Variants in TRPM8 observed in about 807,000 individuals in gnomAD.
TRPM8 encodes the protein TRPM8 cationic channel.
A neutral mutation model predicts 133.7 loss-of-function variants in TRPM8; 110 were observed. That is an observed-to-expected ratio of 0.82 (90% CI 0.70 to 0.96). TRPM8 has a LOEUF of 0.96. Among genes scored for constraint, TRPM8 ranks in the 40% least tolerant of loss-of-function variants. TRPM8 has a pLI of 0.00. For missense variants in TRPM8, 1,291 were observed against 1,379.5 expected, an observed-to-expected ratio of 0.94 and a Z score of 1.02; for synonymous variants, 535 against 532.3, an observed-to-expected ratio of 1.01 and a Z score of -0.07.
rs1211810053 is a variant in TRPM8, at chr2:234,018,712, G to C, written c.*1456G>C. The C allele has an allele frequency of 6.6e-6, 1 of 151,912 alleles. No homozygotes were observed. Among genetic ancestry groups the C allele is most frequent in the African/African-American group, 2.4e-5 (1 of 41,368 alleles). 9.4% of individuals were successfully genotyped at this position (151,912 alleles called of 1,614,324 possible). A position where few individuals can be genotyped will look rare whatever the true frequency, so the allele number is the denominator to read the frequency against. ...ATAAAAAAATTAGCTGGGTGTGGTG[G>C]TGCACTCCTGTAATCCCAGCTACTC... On this transcript the variant is annotated 3_prime_UTR_variant, in exon 26 of 26. Transcript: ENST00000324695.
chr2:233,997,751 A>G (rs1373703931), intron 22 of TRPM8, among the ~76,000 whole-genome samples: 3 of 151,746 alleles, frequency 2.0e-5, no homozygotes, highest in Admixed American at 1.3e-4. Context: ...CATCAACCCA[A>G]CGCATCCACA....
intron 25 of TRPM8, 65 bp downstream of exon 25, chr2:234,014,719 A>T: frequency 1.7e-6 from 1 of 580,354 alleles, no homozygotes; most frequent in East Asian, 3.6e-5. Flanking sequence ...CTAATTTAAG[A>T]TCATGATTTT....
At chr2:233,966,149 CT>C (rs201025902) in intron 14 of TRPM8, 6 of 155,256 alleles carry the variant, frequency 3.9e-5, no homozygotes, top group East Asian at 1.9e-4. Context: ...TGCGCCCAAC[CT>C]TTTTTTTCCT....
chr2:233,998,531 A>C (rs965780126), intron 22 of TRPM8, among the ~76,000 whole-genome samples: 4 of 151,720 alleles, frequency 2.6e-5, no homozygotes, highest in Middle Eastern at 3.4e-3. Flanking sequence ...CCAACCAGTT[A>C]GGGTGAGCAG....
intron 22 of TRPM8, among the ~76,000 whole-genome samples, chr2:234,005,733 A>C (rs921773616): frequency 1.3e-5 from 2 of 152,094 alleles, no homozygotes; most frequent in African/African-American, 4.8e-5. Context: ...CAACGTGATG[A>C]AACCCCATCT....
rs751810525 is a variant in TRPM8, at chr2:233,960,978, C to T, written c.1565C>T (p.Thr522Met). Residue 522 changes from threonine (T) to methionine (M), a missense_variant, in exon 12 of 26, where the codon ACG becomes ATG. Thr to Met is a moderately conservative substitution (Grantham distance 81, BLOSUM62 -1). Around this residue, in one of 2 missense-constraint regions of TRPM8, gnomAD observed 963 missense variants for 968.9 expected, o/e 0.99. Transcript: ENST00000324695. Reference protein sequence around the residue: ...AKNSYNDALLTFVWKLVANFR... With the variant: ...AKNSYNDALLMFVWKLVANFR... ...AATTCCTATAATGATGCCCTCCTCA[C>T]GTTTGTCTGGAAACTGGTTGCGAAC... The T allele has an allele frequency of 7.4e-6, 12 of 1,614,058 alleles. No individual in the cohort carries two copies. The highest frequency in any genetic ancestry group is 2.2e-5 in the East Asian group (1 of 44,888).
At chr2:233,981,637 G>A (rs2125282365) in intron 18 of TRPM8, 137 bp from the exon 19 acceptor site, 2 of 742,988 alleles carry the variant, frequency 2.7e-6, no homozygotes, top group South Asian at 4.1e-5. Flanking sequence ...CCTCTGCTGG[G>A]TGGTGTTTCT....
intron 25 of TRPM8, 21 bp downstream of exon 25, chr2:234,014,675 T>C: frequency 1.1e-6 from 1 of 890,492 alleles, no homozygotes; most frequent in South Asian, 1.7e-5. Context: ...CTAATAGCTT[T>C]TTACTTTGCT....
At chr2:233,995,145 A>T (rs1366088771) in intron 21 of TRPM8, among the ~76,000 whole-genome samples, 1 of 152,192 alleles carries the variant, frequency 6.6e-6, no homozygotes, top group East Asian at 1.9e-4. Flanking sequence ...AACACTTCCT[A>T]ACTGGAGGAC....
At chr2:233,967,182 G>A (rs1403981629) in intron 15 of TRPM8, among the ~76,000 whole-genome samples, 1 of 152,204 alleles carries the variant, frequency 6.6e-6, no homozygotes, top group African/African-American at 2.4e-5. Flanking sequence ...ATATGTGAAA[G>A]GTGTTGGTCC....
At chr2:234,009,953 T>G (rs1692794834) in intron 24 of TRPM8, among the ~76,000 whole-genome samples, 1 of 152,226 alleles carries the variant, frequency 6.6e-6, no homozygotes, top group Admixed American at 6.5e-5. Flanking sequence ...TTCTACATAT[T>G]TACCATCTGT....
chr2:233,990,824 C>A (rs928677351), intron 21 of TRPM8, among the ~76,000 whole-genome samples: 1 of 152,118 alleles, frequency 6.6e-6, no homozygotes, highest in Admixed American at 6.5e-5. Context: ...TCAGGTGCAG[C>A]CTTATTGCCA....
rs753671069 is a variant in TRPM8 at position 233,983,039 on chromosome 2, T to C, written c.2590-14T>C. On this transcript the variant is annotated splice_polypyrimidine_tract_variant and intron_variant, in intron 19 of 25. Coordinates refer to ENST00000324695, the MANE Select transcript of TRPM8 (RefSeq NM_024080.5). ...GCACGGTCCTGACTCCGCTCTCCTG[T>C]CCTCCCCTGACAGCTGATCGATGTG... 2 of 1,608,154 alleles carry C rather than the reference T, an allele frequency of 1.2e-6. No homozygotes were observed. Among genetic ancestry groups the C allele is most frequent in the Admixed American group, 3.3e-5 (2 of 59,910 alleles).
chr2:233,984,360 G>A (rs906822069), intron 20 of TRPM8, among the ~76,000 whole-genome samples: 3 of 152,066 alleles, frequency 2.0e-5, no homozygotes, highest in South Asian at 4.2e-4. Flanking sequence ...TTTCTCAGAC[G>A]CACCTTGGCA....
intron 3 of TRPM8, among the ~76,000 whole-genome samples, chr2:233,935,162 C>T (rs1445826195): frequency 6.6e-6 from 1 of 152,216 alleles, no homozygotes; most frequent in Non-Finnish European, 1.5e-5. Flanking sequence ...AGGACATTTG[C>T]TAAATGCCCT....
At chr2:233,998,777 G>C (rs1692474826) in intron 22 of TRPM8, among the ~76,000 whole-genome samples, 1 of 152,132 alleles carries the variant, frequency 6.6e-6, no homozygotes, top group South Asian at 2.1e-4. Flanking sequence ...TGCCCATCCT[G>C]TTAAGGTGAG....
intron 17 of TRPM8, among the ~76,000 whole-genome samples, chr2:233,976,277 G>C (rs1007919944): frequency 3.3e-5 from 5 of 152,164 alleles, no homozygotes; most frequent in Admixed American, 6.5e-5. Flanking sequence ...ACTTGCAACA[G>C]TAAAATCCGA....
intron 13 of TRPM8, 42 bp downstream of exon 13, chr2:233,963,419 CT>C (rs2125187549): frequency 7.9e-7 from 1 of 1,266,620 alleles, no homozygotes; most frequent in East Asian, 2.3e-5. Flanking sequence ...CAAATATATG[CT>C]TTGTTATAAC....
Position 233,953,433 on chromosome 2 carries a change from A to G in TRPM8, c.1141-484A>G, listed in dbSNP as rs147916221. 6.2e-3 allele frequency among the ~76,000 whole-genome samples: 948 copies of G among 152,356 alleles called. 10 individuals are homozygous for G. Among genetic ancestry groups the G allele is most frequent in the African/African-American group, 0.021 (882 of 41,576 alleles). On this transcript the variant is annotated intron_variant, in intron 9 of 25. Transcript: ENST00000324695. Reference sequence around the variant, plus strand: ...TTTTTAAAACGTCTTAAAATTAAACATTACAGAAAAATAACAAAGGACAAT... The same window carrying G: ...TTTTTAAAACGTCTTAAAATTAAACGTTACAGAAAAATAACAAAGGACAAT...
Sources: allele counts gnomAD v4.1 joint callset (sites outside exome capture counted in the v4.1 genomes callset), GRCh38; gene constraint gnomAD v4.1.1; regional missense constraint gnomAD v4.1.1; transcripts MANE v1.5; gene names NCBI Gene and HGNC (gene_info 2026-07-23, HGNC 2026-07-21).